The following GAS6 variants were observed in gnomAD, a reference collection of about 807,000 sequenced individuals.
GAS6 encodes the protein growth arrest specific 6.
GAS6 carries 41 observed loss-of-function variants against 75.8 expected under a neutral mutation model. The observed-to-expected ratio is 0.54, with a 90% CI of 0.42 to 0.70. The LOEUF (loss-of-function observed/expected upper bound fraction) is 0.70, where lower values mean the gene tolerates loss of function less well. GAS6 is among the 30% of genes least tolerant of loss of function. The probability of loss-of-function intolerance (pLI) is 0.00; values close to 1 mark genes in which losing one functional copy is unlikely to be tolerated. For synonymous variants in GAS6, 432 were observed against 412.6 expected (o/e 1.05, Z -0.57); for missense variants, 854 against 940.2 (o/e 0.91, Z 1.20).
At chr13:113,835,118 G>C (rs1280097172) in intron 7 of GAS6, among the ~76,000 whole-genome samples, 2 of 152,252 alleles carry the variant, frequency 1.3e-5, no homozygotes, top group Non-Finnish European at 2.9e-5. Context: ...CCCATCACTG[G>C]GGGCACGGCC....
intron 3 of GAS6, chr13:113,847,771 G>C (rs1436639115): frequency 1.9e-6 from 1 of 515,622 alleles, no homozygotes; most frequent in Non-Finnish European, 3.4e-6. Context: ...GCTGAGCCTG[G>C]CATCAACTCA....
At chr13:113,832,885 C>T (rs1367789339) in intron 8 of GAS6, 133 bp from the exon 9 acceptor site, 1 of 1,552,884 alleles carries the variant, frequency 6.4e-7, no homozygotes. Flanking sequence ...CCTCTAGCTG[C>T]TGAGACCCCA....
chr13:113,834,439 C>T (rs1277937924), intron 8 of GAS6, 112 bp downstream of exon 8: 3 of 1,150,624 alleles, frequency 2.6e-6, no homozygotes, highest in Admixed American at 3.4e-5. Flanking sequence ...CTGGAGATCC[C>T]CAACACCTTA....
chr13:113,859,463 T>C (rs747249872), intron 2 of GAS6, among the ~76,000 whole-genome samples: 1 of 152,118 alleles, frequency 6.6e-6, no homozygotes, highest in Non-Finnish European at 1.5e-5. Flanking sequence ...TGTACGTATG[T>C]CTATGTGAAT....
At chr13:113,862,253 G>A (rs1043167037) in intron 2 of GAS6, among the ~76,000 whole-genome samples, 40 of 152,308 alleles carry the variant, frequency 2.6e-4, no homozygotes, top group Admixed American at 1.9e-3. Context: ...TGCGCGGAGC[G>A]GGTACTGTGG....
chr13:113,858,212 C>G (rs145888908), intron 2 of GAS6, among the ~76,000 whole-genome samples: 5 of 152,318 alleles, frequency 3.3e-5, no homozygotes, highest in African/African-American at 1.2e-4. Flanking sequence ...GCACATGTGT[C>G]TGTGTGTGTC....
Position 113,820,589 on chromosome 13 carries a change from G to GAGTC in GAS6, c.*271_*274dup. The GAGTC allele has an allele frequency of 2.2e-6, 1 of 448,208 alleles. No homozygotes were observed. The highest frequency in any genetic ancestry group is 5.3e-5 in the South Asian group (1 of 18,700). The allele number at this position is 448,208 out of a possible 1,614,324, so 27.8% of individuals were successfully genotyped here. A position where few individuals can be genotyped will look rare whatever the true frequency, so the allele number is the denominator to read the frequency against. ...TAAATATTTTATTTTCCATATTTTA[G>GAGTC]AGTCAGAAAGAAGCGCTTGGTAATA... On this transcript the variant is annotated 3_prime_UTR_variant, in exon 15 of 15. Transcript: ENST00000327773.
chr13:113,831,762 G>A (rs546765430), intron 10 of GAS6, among the ~76,000 whole-genome samples: 1 of 148,696 alleles, frequency 6.7e-6, no homozygotes, highest in South Asian at 2.2e-4. Context: ...GTCCCCCGGA[G>A]CATGAACTAA....
Position 113,836,110 on chromosome 13 carries a change from A to G in GAS6, c.590-475T>C, listed in dbSNP as rs573020914. 6 of 963,818 alleles carry G rather than the reference A, an allele frequency of 6.2e-6. No individual in the cohort carries two copies. In the South Asian group the frequency reaches 3.0e-4, roughly 48 times the overall value. The allele number at this position is 963,818 out of a possible 1,614,324, so 59.7% of individuals were successfully genotyped here. A position where few individuals can be genotyped will look rare whatever the true frequency, so the allele number is the denominator to read the frequency against. ...ATCTAATGTGGGACAGATGCTGTTT[A>G]CGGCCAAGCACCCTGGGGTAGGAGG... On this transcript the variant is annotated intron_variant, in intron 6 of 14. Coordinates refer to ENST00000327773, the MANE Select transcript of GAS6 (RefSeq NM_000820.4).
At chr13:113,856,114 C>T (rs546732150) in intron 2 of GAS6, among the ~76,000 whole-genome samples, 8 of 152,346 alleles carry the variant, frequency 5.3e-5, no homozygotes, top group Non-Finnish European at 8.8e-5. Flanking sequence ...CCCAGCATGA[C>T]GCACCTGGCA....
intron 12 of GAS6, among the ~76,000 whole-genome samples, chr13:113,824,286 A>T (rs2051504262): frequency 7.5e-6 from 1 of 133,796 alleles, no homozygotes; most frequent in African/African-American, 3.0e-5. Context: ...TGTCGGGAGC[A>T]CGCGCGGTCT....
intron 3 of GAS6, 86 bp from the exon 4 acceptor site, chr13:113,846,675 G>A (rs2051836270): frequency 9.0e-7 from 1 of 1,111,300 alleles, no homozygotes. Flanking sequence ...GCTCTGGAGA[G>A]GCAGTTACTC....
intron 10 of GAS6, among the ~76,000 whole-genome samples, chr13:113,829,649 G>C (rs1203853425): frequency 6.7e-6 from 1 of 148,844 alleles, no homozygotes; most frequent in Non-Finnish European, 1.5e-5. Context: ...CTGATCTCAA[G>C]GAGACCATCT....
chr13:113,842,140 G>A (rs1303977621), intron 4 of GAS6: 1 of 126,510 alleles, frequency 7.9e-6, no homozygotes, highest in Non-Finnish European at 1.6e-5. Context: ...TCCTCTGTAT[G>A]CTTCAGTTTC....
At chr13:113,832,538 C>A (rs748113385) in intron 9 of GAS6, 50 bp from the exon 10 acceptor site, 22 of 1,594,586 alleles carry the variant, frequency 1.4e-5, no homozygotes, top group Non-Finnish European at 1.7e-5. Context: ...GGCAGATGCC[C>A]GGCCCCTCCC....
At chr13:113,832,087 G>A (rs1370135185) in intron 10 of GAS6, among the ~76,000 whole-genome samples, 6 of 125,810 alleles carry the variant, frequency 4.8e-5, no homozygotes, top group African/African-American at 6.2e-5. Context: ...ACGGGGCAGG[G>A]GTCCCCGTCC....
chr13:113,849,807 C>T (rs954962296), intron 2 of GAS6, among the ~76,000 whole-genome samples: 1 of 152,184 alleles, frequency 6.6e-6, no homozygotes, highest in Admixed American at 6.5e-5. Flanking sequence ...TAGCCCTGGG[C>T]ACTGTATCCT....
In GAS6 at chr13:113,823,499, A is replaced by T; in HGVS notation, c.1529T>A (p.Val510Glu). 1.9e-6 allele frequency: 3 copies of T among 1,612,746 alleles called. No individual in the cohort carries two copies. The highest frequency in any genetic ancestry group is 2.5e-6 in the Non-Finnish European group (3 of 1,179,936). ...GTESTWEVEVVAHIRPAADTG... is the reference protein window; with the variant it reads ...GTESTWEVEVEAHIRPAADTG... ...GTCTGCGGCTGGGCGGATGTGAGCC[A>T]CGACTTCTACTTCCCAGGTTGATTC... Residue 510 changes from valine to glutamate, a missense_variant, in exon 13 of 15, where the codon GTG becomes GAG. Physicochemically the swap from Val to Glu is moderately radical, Grantham distance 121. Coordinates refer to ENST00000327773, the MANE Select transcript of GAS6 (RefSeq NM_000820.4).
chr13:113,827,698 C>T (rs948403961), intron 11 of GAS6, among the ~76,000 whole-genome samples: 9 of 150,532 alleles, frequency 6.0e-5, no homozygotes, highest in Admixed American at 6.6e-5. Context: ...CAGGCACTGC[C>T]GACACTCAGC....
Sources: allele counts gnomAD v4.1 joint callset (sites outside exome capture counted in the v4.1 genomes callset), GRCh38; gene constraint gnomAD v4.1.1; transcripts MANE v1.5; gene names NCBI Gene and HGNC (gene_info 2026-07-23, HGNC 2026-07-21).